The following LMLN variants were observed in gnomAD, a reference collection of about 807,000 sequenced individuals.
The protein encoded by LMLN is leishmanolysin like peptidase.
In LMLN, 70 loss-of-function variants were observed where a neutral mutation model predicts 92.3. That is an observed-to-expected ratio of 0.76 (90% CI 0.63 to 0.92). The LOEUF (loss-of-function observed/expected upper bound fraction) is 0.92. Ranked by LOEUF, LMLN falls within the 40% of genes least tolerant of loss-of-function variation. The pLI is 0.00. For missense variants in LMLN, 691 were observed against 814.6 expected, an observed-to-expected ratio of 0.85 and a Z score of 1.85; for synonymous variants, 308 against 296.2, an observed-to-expected ratio of 1.04 and a Z score of -0.41.
At chr3:198,009,429 C>A (rs778838831) in intron 11 of LMLN, among the ~76,000 whole-genome samples, 12 of 152,088 alleles carry the variant, frequency 7.9e-5, no homozygotes, top group Non-Finnish European at 1.5e-4. Context: ...GAAAAAAGTT[C>A]TTTTTTGTAC....
Position 197,981,285 on chromosome 3 carries a change from T to A in LMLN, c.728+781T>A, listed in dbSNP as rs193112037. Among the ~76,000 whole-genome samples, 38 of 152,012 alleles carry A rather than the reference T, an allele frequency of 2.5e-4. No individual in the cohort carries two copies. The Middle Eastern group carries it at 0.01, about 41-fold the overall frequency. ...TGCTCAGGAGGCTGAGGTGGGAGGATTGCTTAAGCCTGGGAGGTGGAGCTT... is the reference window on the plus strand; with the variant it reads ...TGCTCAGGAGGCTGAGGTGGGAGGAATGCTTAAGCCTGGGAGGTGGAGCTT... On this transcript the variant is annotated intron_variant, in intron 6 of 15. Coordinates refer to ENST00000330198, the Ensembl canonical transcript of LMLN.
At chr3:197,977,431 C>T (rs750609255) in intron 5 of LMLN, among the ~76,000 whole-genome samples, 3 of 151,376 alleles carry the variant, frequency 2.0e-5, no homozygotes, top group Non-Finnish European at 4.4e-5. Flanking sequence ...CATGTTAAAC[C>T]TGGATACATA....
chr3:198,003,256 A>T, intron 11 of LMLN, 131 bp downstream of exon 12: 1 of 551,264 alleles, frequency 1.8e-6, no homozygotes, highest in Non-Finnish European at 3.1e-6. Flanking sequence ...ATAGAAAACC[A>T]TCTATAGATG....
At chr3:197,995,092 C>T (rs1443526424) in intron 9 of LMLN, among the ~76,000 whole-genome samples, 1 of 152,178 alleles carries the variant, frequency 6.6e-6, no homozygotes, top group Non-Finnish European at 1.5e-5. Context: ...AAGACCACCC[C>T]CTCCTCTTCC....
At chr3:198,008,318 T>A (rs1288455531) in intron 11 of LMLN, among the ~76,000 whole-genome samples, 1 of 152,134 alleles carries the variant, frequency 6.6e-6, no homozygotes, top group Admixed American at 6.5e-5. Flanking sequence ...ATCCTTCCAG[T>A]AAGAGAGATT....
chr3:198,026,690 A>C (rs985959365), intron 14 of LMLN, among the ~76,000 whole-genome samples: 1 of 152,200 alleles, frequency 6.6e-6, no homozygotes, highest in African/African-American at 2.4e-5. Context: ...CCGTTTCTCC[A>C]GAGGCCCCTA....
intron 11 of LMLN, among the ~76,000 whole-genome samples, chr3:198,014,948 T>C (rs1722580554): frequency 3.0e-5 from 4 of 134,772 alleles, no homozygotes; most frequent in African/African-American, 5.8e-5. Context: ...CTCTCCACCC[T>C]TCAGAGCCCC....
At chr3:197,964,685 C>T (rs924733118) in intron 1 of LMLN, among the ~76,000 whole-genome samples, 5 of 151,338 alleles carry the variant, frequency 3.3e-5, no homozygotes, top group Non-Finnish European at 7.4e-5. Context: ...GCGTGAGCCA[C>T]CACGCCCGGC....
Position 197,999,247 on chromosome 3 carries a change from C to G in LMLN, c.1156-19C>G. 6.3e-7 allele frequency: 1 copy of G among 1,585,436 alleles called. No individual in the cohort carries two copies. Among genetic ancestry groups the G allele is most frequent in the Non-Finnish European group, 8.7e-7 (1 of 1,154,042 alleles). ...TTGCAGAGAATCTAGTCTAATTAAA[C>G]CCTGTTGGTGATTTTCAGAATGAAG... On this transcript the variant is annotated intron_variant, in intron 10 of 15. Coordinates refer to ENST00000330198, the Ensembl canonical transcript of LMLN.
chr3:197,973,336 G>C (rs372762805), intron 1 of LMLN, among the ~76,000 whole-genome samples: 9 of 151,880 alleles, frequency 5.9e-5, no homozygotes, highest in Non-Finnish European at 1.2e-4. Flanking sequence ...CCACCTCCTG[G>C]GTTCTAGCAA....
chr3:197,963,429 G>A (rs1047292339), intron 1 of LMLN, among the ~76,000 whole-genome samples: 6 of 152,162 alleles, frequency 3.9e-5, no homozygotes, highest in African/African-American at 9.6e-5. Context: ...GGCCTTAGGC[G>A]ATCCTCCTGC....
At chr3:198,036,680 C>A (rs971904729) in intron 15 of LMLN, among the ~76,000 whole-genome samples, 1 of 152,104 alleles carries the variant, frequency 6.6e-6, no homozygotes, top group Non-Finnish European at 1.5e-5. Context: ...GCAGAAAACA[C>A]CCTTGAGAAG....
intron 11 of LMLN, among the ~76,000 whole-genome samples, chr3:198,000,008 G>T (rs996769030): frequency 2.6e-5 from 4 of 152,162 alleles, no homozygotes; most frequent in South Asian, 2.1e-4. Context: ...TAAATGACTG[G>T]TTTTTTATAA....
At chr3:198,018,258 C>T (rs1722692570) in intron 11 of LMLN, among the ~76,000 whole-genome samples, 1 of 152,142 alleles carries the variant, frequency 6.6e-6, no homozygotes, top group South Asian at 2.1e-4. Flanking sequence ...ACATGAGCTT[C>T]CATATTCATT....
intron 6 of LMLN, among the ~76,000 whole-genome samples, chr3:197,983,312 G>T (rs529348613): frequency 3.3e-5 from 5 of 152,172 alleles, no homozygotes; most frequent in Non-Finnish European, 5.9e-5. Flanking sequence ...ACAGGGAGGC[G>T]CATGGTGGAA....
At chr3:198,022,152 G>A (rs1286093170) in intron 13 of LMLN, among the ~76,000 whole-genome samples, 1 of 152,186 alleles carries the variant, frequency 6.6e-6, no homozygotes, top group African/African-American at 2.4e-5. Context: ...TTTTATGTAA[G>A]ATAGAAGCAA....
rs146158864 is a variant in LMLN at position 197,960,365 on chromosome 3, G to C, written c.144G>C (p.Arg48=). 236 of 1,613,970 alleles carry C rather than the reference G, an allele frequency of 1.5e-4. 1 individual carries two copies. In the East Asian group the frequency reaches 3.9e-3, roughly 27 times the overall value. The change falls in exon 1 of 16, where the codon CGG becomes CGC. Residue 48 remains arginine, a synonymous_variant. Transcript: ENST00000330198. ...TTTTACTCCTGTTGGGCGGGCTCCG[G>C]GCCAGCGCCACATCTACTCCCGTCT...
At chr3:197,969,460 A>G (rs1363037292) in intron 1 of LMLN, among the ~76,000 whole-genome samples, 1 of 152,036 alleles carries the variant, frequency 6.6e-6, no homozygotes, top group Non-Finnish European at 1.5e-5. Context: ...TTCTCTACTA[A>G]CTAAGGGTTA....
At chr3:198,017,336 T>C (rs890730449) in intron 11 of LMLN, among the ~76,000 whole-genome samples, 1 of 152,202 alleles carries the variant, frequency 6.6e-6, no homozygotes, top group Non-Finnish European at 1.5e-5. Context: ...CAAGCACTTC[T>C]GGGCTTCGTC....
Sources: gnomAD v4.1 joint callset for allele counts (sites outside exome capture counted in the v4.1 genomes callset) on GRCh38, gnomAD v4.1.1 for gene constraint, MANE v1.5 for transcripts, NCBI Gene and HGNC (gene_info 2026-07-23, HGNC 2026-07-21) for gene names.